CAST: variants seen among roughly 807,000 people sequenced by gnomAD.
CAST encodes MIR583 host.
CAST carries 76 observed loss-of-function variants against 119.6 expected under a neutral mutation model. That is an observed-to-expected ratio of 0.64 (90% CI 0.53 to 0.77). CAST has a LOEUF of 0.77. Among genes scored for constraint, CAST ranks in the 30% least tolerant of loss-of-function variants. CAST has a pLI of 0.00. For missense variants in CAST, 953 were observed against 946.5 expected, an observed-to-expected ratio of 1.01 and a Z score of -0.09; for synonymous variants, 319 against 331.6, an observed-to-expected ratio of 0.96 and a Z score of 0.41.
the CAST span, among the ~76,000 whole-genome samples, chr5:96,200,640 T>G: frequency 1.1e-4 from 17 of 152,264 alleles, no homozygotes; most frequent in East Asian, 1.9e-3. Context: ...AGCTCCTGCT[T>G]CTTCTTATAC....
At chr5:95,963,627 C>T in the CAST span, among the ~76,000 whole-genome samples, 1 of 152,130 alleles carries the variant, frequency 6.6e-6, no homozygotes, top group East Asian at 1.9e-4. Flanking sequence ...CTAGTTTTCT[C>T]CGCTTTCCAA....
chr5:96,183,845 G>A, the CAST span, among the ~76,000 whole-genome samples: 1 of 152,140 alleles, frequency 6.6e-6, no homozygotes, highest in Non-Finnish European at 1.5e-5. Context: ...GTAGGCACAT[G>A]GACATGAACA....
chr5:96,644,114 A>G (rs968229919), intron 1 of CAST, among the ~76,000 whole-genome samples: 1 of 152,204 alleles, frequency 6.6e-6, no homozygotes, highest in African/African-American at 2.4e-5. Flanking sequence ...TTGACTGATC[A>G]TTCACATCTC....
At chr5:96,138,187 CT>C in the CAST span, among the ~76,000 whole-genome samples, 560 of 151,742 alleles carry the variant, frequency 3.7e-3, 3 homozygotes, top group African/African-American at 0.013. Flanking sequence ...AATTTAGGTT[CT>C]TTTTTTTCTT....
intron 1 of CAST, among the ~76,000 whole-genome samples, chr5:96,547,747 A>G (rs1746045283): frequency 6.6e-6 from 1 of 152,208 alleles, no homozygotes; most frequent in Non-Finnish European, 1.5e-5. Flanking sequence ...ACTTCCGTGC[A>G]GGCCAAACAG....
intron 25 of CAST, chr5:96,763,192 A>G (rs748763256): frequency 1.3e-6 from 1 of 780,722 alleles, no homozygotes. Context: ...TGAGATTCTG[A>G]TGGATTTTCA....
the CAST span, among the ~76,000 whole-genome samples, chr5:96,200,255 A>G: frequency 6.6e-6 from 1 of 152,090 alleles, no homozygotes; most frequent in African/African-American, 2.4e-5. Flanking sequence ...GTCAAAGGAG[A>G]TCAAATATTG....
At chr5:96,411,450 C>T in the CAST span, among the ~76,000 whole-genome samples, 3 of 152,166 alleles carry the variant, frequency 2.0e-5, no homozygotes, top group Admixed American at 6.5e-5. Context: ...TCGTCAAAGC[C>T]GCCCTTTCTA....
At chr5:96,177,910 G>A in the CAST span, among the ~76,000 whole-genome samples, 1 of 152,086 alleles carries the variant, frequency 6.6e-6, no homozygotes, top group Non-Finnish European at 1.5e-5. Context: ...CTGTAATTTT[G>A]AACAAATAAG....
chr5:96,121,144 C>T, the CAST span, among the ~76,000 whole-genome samples: 4 of 152,092 alleles, frequency 2.6e-5, no homozygotes, highest in Admixed American at 2.6e-4. Flanking sequence ...CCTGTTTATG[C>T]CCACTGGAAT....
the CAST span, among the ~76,000 whole-genome samples, chr5:96,188,323 T>A: frequency 6.6e-6 from 1 of 152,202 alleles, no homozygotes; most frequent in African/African-American, 2.4e-5. Flanking sequence ...TTTTTTCCAA[T>A]GGATCTTTCC....
At chr5:96,662,239 C>A (rs544068142), upstream of CAST, 321 of 631,052 alleles carry the variant, frequency 5.1e-4, 1 homozygote, top group East Asian at 0.012. Context: ...AAGGGGAGGG[C>A]CCATCGGGGC....
intron 1 of CAST, among the ~76,000 whole-genome samples, chr5:96,583,244 C>G (rs138116213): frequency 1.2e-3 from 170 of 146,302 alleles, no homozygotes; most frequent in African/African-American, 3.1e-3. Flanking sequence ...ATTTTTTTGG[C>G]TGGGAGGAGG....
chr5:96,037,856 A>T, the CAST span, among the ~76,000 whole-genome samples: 1 of 152,070 alleles, frequency 6.6e-6, no homozygotes, highest in African/African-American at 2.4e-5. Context: ...GATATCTAAG[A>T]TGGCTTCCTG....
At chr5:96,483,744 G>T in the CAST span, among the ~76,000 whole-genome samples, 2 of 152,176 alleles carry the variant, frequency 1.3e-5, no homozygotes, top group East Asian at 3.9e-4. Context: ...CATTCTAAAA[G>T]AATATAAAAT....
chr5:96,553,880 A>G (rs1314432781), intron 1 of CAST, among the ~76,000 whole-genome samples: 1 of 152,218 alleles, frequency 6.6e-6, no homozygotes, highest in Non-Finnish European at 1.5e-5. Flanking sequence ...GAGAACTACA[A>G]ACCACTGCTC....
At chr5:96,066,818 C>T in the CAST span, among the ~76,000 whole-genome samples, 2 of 151,874 alleles carry the variant, frequency 1.3e-5, no homozygotes, top group African/African-American at 4.8e-5. Context: ...CACCACCATG[C>T]CTGGCAAGTT....
chr5:96,232,892 T>G, the CAST span, among the ~76,000 whole-genome samples: 1 of 152,096 alleles, frequency 6.6e-6, no homozygotes, highest in Non-Finnish European at 1.5e-5. Context: ...AGAGGAAGTT[T>G]GTAAAAATGC....
chr5:96,019,783 G>A, the CAST span, among the ~76,000 whole-genome samples: 1 of 151,970 alleles, frequency 6.6e-6, no homozygotes, highest in African/African-American at 2.4e-5. Flanking sequence ...GTTTCACAAG[G>A]CTAATAAACG....
Sources: allele counts gnomAD v4.1 joint callset (sites outside exome capture counted in the v4.1 genomes callset), GRCh38; gene constraint gnomAD v4.1.1; transcripts MANE v1.5; gene names NCBI Gene and HGNC (gene_info 2026-07-23, HGNC 2026-07-21).